HLCS: variants seen among roughly 807,000 people sequenced by gnomAD.
HLCS encodes holocarboxylase synthetase.
Under a neutral mutation model 75.0 loss-of-function variants are expected in HLCS, and 53 were observed. That is an observed-to-expected ratio of 0.71 (90% CI 0.57 to 0.89). The LOEUF (loss-of-function observed/expected upper bound fraction) is 0.89. Ranked by LOEUF, HLCS falls within the 40% of genes least tolerant of loss-of-function variation. The pLI, the probability that HLCS is intolerant of heterozygous loss-of-function variation, is 0.00. For synonymous variants in HLCS, 431 were observed against 428.6 expected, an observed-to-expected ratio of 1.01 and a Z score of -0.07; for missense variants, 966 against 1,074.0, an observed-to-expected ratio of 0.90 and a Z score of 1.41.
chr21:36,807,454 T>C (rs1027107768), intron 6 of HLCS, among the ~76,000 whole-genome samples: 3 of 152,186 alleles, frequency 2.0e-5, no homozygotes, highest in African/African-American at 4.8e-5. Context: ...GCAGGCCAGA[T>C]AGAATTCATG....
At chr21:36,818,713 G>A (rs957116616) in intron 6 of HLCS, among the ~76,000 whole-genome samples, 2 of 152,202 alleles carry the variant, frequency 1.3e-5, no homozygotes, top group African/African-American at 2.4e-5. Flanking sequence ...TCCCTTGGAG[G>A]AGCGGCGGTA....
chr21:36,946,684 C>T (rs969629383), intron 2 of HLCS, among the ~76,000 whole-genome samples: 3 of 152,038 alleles, frequency 2.0e-5, no homozygotes, highest in Non-Finnish European at 4.4e-5. Flanking sequence ...TAAACGCAGG[C>T]CTTTATGGCC....
At chr21:36,864,047 TGTAA>T (rs746687494) in intron 6 of HLCS, among the ~76,000 whole-genome samples, 8 of 152,240 alleles carry the variant, frequency 5.3e-5, no homozygotes, top group Non-Finnish European at 7.3e-5. Context: ...ATATCACTCT[TGTAA>T]GTGTGTTCAA....
intron 6 of HLCS, among the ~76,000 whole-genome samples, chr21:36,816,725 C>T (rs757651874): frequency 5.9e-4 from 89 of 152,062 alleles, no homozygotes; most frequent in Admixed American, 1.2e-3. Context: ...AATGAGCTAT[C>T]GGAAACGCTG....
chr21:36,901,608 G>T (rs1239014557), intron 5 of HLCS, among the ~76,000 whole-genome samples: 9 of 152,150 alleles, frequency 5.9e-5, no homozygotes, highest in African/African-American at 2.2e-4. Context: ...TTCTGGTGCC[G>T]CTGGCACTCC....
chr21:36,787,823 G>C (rs923402960), intron 6 of HLCS, among the ~76,000 whole-genome samples: 1 of 152,194 alleles, frequency 6.6e-6, no homozygotes, highest in Non-Finnish European at 1.5e-5. Flanking sequence ...TCAGCTGTCA[G>C]GGTTACGTAG....
At chr21:36,973,178 T>G (rs1368096679) in intron 1 of HLCS, among the ~76,000 whole-genome samples, 2 of 150,676 alleles carry the variant, frequency 1.3e-5, no homozygotes, top group Non-Finnish European at 2.9e-5. Flanking sequence ...TTCAGTGAGC[T>G]GTGATCGCAC....
At chr21:36,772,638 CAAAAAAAA>C (rs34788426) in intron 6 of HLCS, among the ~76,000 whole-genome samples, 1 of 80,876 alleles carries the variant, frequency 1.2e-5, no homozygotes. Context: ...GACACTGTCT[CAAAAAAAA>C]AAAAAAAAAA....
At chr21:36,816,341 A>G (rs2061663268) in intron 6 of HLCS, among the ~76,000 whole-genome samples, 1 of 151,558 alleles carries the variant, frequency 6.6e-6, no homozygotes, top group African/African-American at 2.4e-5. Context: ...GGCTGCAGTG[A>G]GCTGTGATCA....
intron 1 of HLCS, 21 bp from the exon 2 acceptor site, chr21:36,962,191 A>G (rs1601895794): frequency 7.8e-7 from 1 of 1,277,664 alleles, no homozygotes; most frequent in Non-Finnish European, 1.0e-6. Flanking sequence ...GGAAAGAAAT[A>G]TAATGAGATT....
At chr21:36,810,131 T>G (rs743430) in intron 6 of HLCS, among the ~76,000 whole-genome samples, 8,245 of 152,344 alleles carry the variant, frequency 0.054, 332 homozygotes, top group Non-Finnish European at 0.081. Context: ...TTGATTTCTC[T>G]TTTTCTTGAT....
chr21:36,923,052 G>A (rs1167377141), intron 5 of HLCS, among the ~76,000 whole-genome samples: 3 of 152,156 alleles, frequency 2.0e-5, no homozygotes, highest in Non-Finnish European at 4.4e-5. Context: ...GCGCCCCACC[G>A]CCGCACCCAC....
intron 6 of HLCS, among the ~76,000 whole-genome samples, chr21:36,823,612 T>G (rs13052725): frequency 0.043 from 4,281 of 99,920 alleles, 166 homozygotes; most frequent in African/African-American, 0.15. Flanking sequence ...ACGTGCAGGG[T>G]GTGTGTGTGT....
At chr21:36,868,330 A>G (rs2063644935) in intron 6 of HLCS, among the ~76,000 whole-genome samples, 1 of 151,520 alleles carries the variant, frequency 6.6e-6, no homozygotes. Context: ...TATTAACACC[A>G]TATCAAAAAG....
Position 36,847,607 on chromosome 21 carries a change from A to T in HLCS, c.1892+49253T>A, listed in dbSNP as rs76290616. 8.4e-3 allele frequency among the ~76,000 whole-genome samples: 1,285 copies of T among 152,370 alleles called. 7 individuals carry two copies. Among genetic ancestry groups the T allele is most frequent in the Non-Finnish European group, 0.013 (912 of 68,044 alleles). On this transcript the variant is annotated intron_variant, in intron 6 of 10. Transcript: ENST00000674895. ...TTGCATATGATAAACTGTAAAACCA[A>T]AATAACATTTGGGTCAAAACTCCAA...
intron 6 of HLCS, among the ~76,000 whole-genome samples, chr21:36,769,333 CTG>C (rs2090150089): frequency 6.6e-6 from 1 of 152,172 alleles, no homozygotes; most frequent in African/African-American, 2.4e-5. Flanking sequence ...TGAGATAACT[CTG>C]GGGCCAAACC....
intron 6 of HLCS, among the ~76,000 whole-genome samples, chr21:36,792,190 T>C (rs2060886456): frequency 6.6e-6 from 1 of 152,020 alleles, no homozygotes; most frequent in Non-Finnish European, 1.5e-5. Context: ...AAGGGGACCC[T>C]GGTAAATCAC....
chr21:36,891,041 T>C (rs2064761959), intron 6 of HLCS, among the ~76,000 whole-genome samples: 1 of 152,238 alleles, frequency 6.6e-6, no homozygotes, highest in South Asian at 2.1e-4. Flanking sequence ...AGATCCATGG[T>C]TGCCTACTAT....
intron 6 of HLCS, among the ~76,000 whole-genome samples, chr21:36,865,595 G>A (rs1016802990): frequency 6.6e-6 from 1 of 152,080 alleles, no homozygotes; most frequent in Non-Finnish European, 1.5e-5. Flanking sequence ...AACCTCTTCA[G>A]TCTTTGTACC....
Sources: allele counts gnomAD v4.1 joint callset (sites outside exome capture counted in the v4.1 genomes callset), GRCh38; gene constraint gnomAD v4.1.1; transcripts MANE v1.5; gene names NCBI Gene and HGNC (gene_info 2026-07-23, HGNC 2026-07-21).